The following ZMAT3 variants were observed in gnomAD, a reference collection of about 807,000 sequenced individuals.
The protein encoded by ZMAT3 is zinc finger matrin-type 3, also known as zinc finger matrin-type protein 3.
Under a neutral mutation model 32.3 loss-of-function variants are expected in ZMAT3, and 17 were observed. The ratio of observed to expected loss-of-function variants is 0.53; its 90% confidence interval spans 0.36 to 0.79. The LOEUF (loss-of-function observed/expected upper bound fraction) is 0.79, where lower values mean the gene tolerates loss of function less well. Ranked by LOEUF, ZMAT3 falls within the 30% of genes least tolerant of loss-of-function variation. The pLI is 0.00. For synonymous variants in ZMAT3, 120 were observed against 133.1 expected, an observed-to-expected ratio of 0.90 and a Z score of 0.68; for missense variants, 329 against 359.7, an observed-to-expected ratio of 0.91 and a Z score of 0.69.
At position 179,030,605 on chromosome 3, in the gene ZMAT3, C is replaced by G. The variant is rs181632908; in HGVS notation, c.390+275G>C. On this transcript the variant is annotated intron_variant, in intron 3 of 5. Coordinates refer to ENST00000311417, the MANE Select transcript of ZMAT3 (RefSeq NM_022470.4). Reference sequence around the variant, plus strand: ...TCTTGACCTCGTGATTCGCCCGTCTCGGCCTCCCAAAGTGCTGGGATTACA... The same window carrying G: ...TCTTGACCTCGTGATTCGCCCGTCTGGGCCTCCCAAAGTGCTGGGATTACA... Among the ~76,000 whole-genome samples the G allele has an allele frequency of 3.4e-3, 516 of 152,222 alleles. 3 individuals are homozygous for G. The highest frequency in any genetic ancestry group is 0.012 in the African/African-American group (490 of 41,536).
chr3:179,055,424 G>A (rs1720784174), intron 2 of ZMAT3, among the ~76,000 whole-genome samples: 2 of 152,076 alleles, frequency 1.3e-5, no homozygotes, highest in Admixed American at 6.5e-5. Flanking sequence ...TGTAAAAAGT[G>A]TGGTTTATGC....
At chr3:179,070,090 C>G (rs1305066258) in intron 1 of ZMAT3, among the ~76,000 whole-genome samples, 1 of 151,480 alleles carries the variant, frequency 6.6e-6, no homozygotes, top group Non-Finnish European at 1.5e-5. Context: ...CACAAACATT[C>G]TGCTAGTTCA....
In ZMAT3 at chr3:179,024,776, C is replaced by T. The variant is rs1394637643; in HGVS notation, c.*241G>A. 3 of 469,168 alleles carry T rather than the reference C, an allele frequency of 6.4e-6. No individual in the cohort carries two copies. The highest frequency in any genetic ancestry group is 7.8e-6 in the Non-Finnish European group (2 of 257,622). The allele number at this position is 469,168 out of a possible 1,614,324, so 29.1% of individuals were successfully genotyped here. A position where few individuals can be genotyped will look rare whatever the true frequency, so the allele number is the denominator to read the frequency against. ...GGGTAGGTAGGTCACATGCTATGAG[C>T]GGCTCAACACCATTGACCCTGCAAA... On this transcript the variant is annotated 3_prime_UTR_variant, in exon 6 of 6. Transcript: ENST00000311417.
intron 2 of ZMAT3, among the ~76,000 whole-genome samples, chr3:179,041,914 T>C (rs1010044674): frequency 2.6e-5 from 4 of 152,000 alleles, no homozygotes; most frequent in African/African-American, 9.7e-5. Flanking sequence ...TCACCACCGA[T>C]CCCACAGAAA....
intron 2 of ZMAT3, among the ~76,000 whole-genome samples, chr3:179,034,413 C>G (rs528453124): frequency 3.3e-5 from 5 of 152,228 alleles, no homozygotes; most frequent in African/African-American, 1.2e-4. Flanking sequence ...ATTCCTCCTA[C>G]TATCATCTAT....
chr3:179,054,552 T>C (rs1720733695), intron 2 of ZMAT3, among the ~76,000 whole-genome samples: 1 of 152,220 alleles, frequency 6.6e-6, no homozygotes, highest in African/African-American at 2.4e-5. Flanking sequence ...ATGTTTGAAA[T>C]GTAACATTAA....
intron 2 of ZMAT3, among the ~76,000 whole-genome samples, chr3:179,063,485 G>T (rs991151013): frequency 3.3e-5 from 5 of 152,196 alleles, no homozygotes; most frequent in African/African-American, 1.2e-4. Context: ...CAAATAGAAA[G>T]CCATGTTTAT....
At chr3:179,064,145 C>T (rs186248127) in intron 2 of ZMAT3, among the ~76,000 whole-genome samples, 11 of 152,350 alleles carry the variant, frequency 7.2e-5, no homozygotes, top group African/African-American at 2.6e-4. Flanking sequence ...TCAACAATGG[C>T]ATCAACTGAC....
intron 2 of ZMAT3, among the ~76,000 whole-genome samples, chr3:179,064,309 A>G (rs1031842129): frequency 6.6e-6 from 1 of 152,228 alleles, no homozygotes; most frequent in Non-Finnish European, 1.5e-5. Context: ...AAAATTAGTA[A>G]GTTTTTAGTC....
intron 2 of ZMAT3, 88 bp downstream of exon 2, chr3:179,067,395 C>G: frequency 7.3e-7 from 1 of 1,375,534 alleles, no homozygotes; most frequent in Non-Finnish European, 1.0e-6. Context: ...ATTCCAGGCA[C>G]AGTCATATCT....
chr3:179,018,338 T>C lies in ZMAT3; in HGVS notation c.*6679A>G, dbSNP rs953766671. Reference sequence around the variant, plus strand: ...AAAATGCAAAAACATCCAATAAATGTTGCATTATTAGTATTCAACAGTGCA... The same window carrying C: ...AAAATGCAAAAACATCCAATAAATGCTGCATTATTAGTATTCAACAGTGCA... On this transcript the variant is annotated 3_prime_UTR_variant, in exon 6 of 6. Transcript: ENST00000311417. 2.0e-5 allele frequency: 3 copies of C among 152,168 alleles called. No homozygotes were observed. The highest frequency in any genetic ancestry group is 1.9e-4 in the East Asian group (1 of 5,202). The allele number at this position is 152,168 out of a possible 1,614,324, so 9.4% of individuals were successfully genotyped here. A position where few individuals can be genotyped will look rare whatever the true frequency, so the allele number is the denominator to read the frequency against.
At chr3:179,041,000 G>A (rs757364924) in intron 2 of ZMAT3, among the ~76,000 whole-genome samples, 1 of 151,950 alleles carries the variant, frequency 6.6e-6, no homozygotes, top group Non-Finnish European at 1.5e-5. Flanking sequence ...ATTACATAAT[G>A]GTAAAGGGAT....
chr3:179,021,919 T>G lies in ZMAT3; in HGVS notation c.*3098A>C, dbSNP rs1046064949. ...AAACATAACCTACTGTCATAGAGAT[T>G]TGTGATTTTTTTTCAGATGTGCATG... On this transcript the variant is annotated 3_prime_UTR_variant, in exon 6 of 6. Coordinates refer to ENST00000311417, the MANE Select transcript of ZMAT3 (RefSeq NM_022470.4). 1.3e-5 allele frequency: 2 copies of G among 152,162 alleles called. No homozygotes were observed. Among genetic ancestry groups the G allele is most frequent in the Non-Finnish European group, 2.9e-5 (2 of 68,020 alleles). The allele number at this position is 152,162 out of a possible 1,614,324, so 9.4% of individuals were successfully genotyped here. A position where few individuals can be genotyped will look rare whatever the true frequency, so the allele number is the denominator to read the frequency against.
Position 179,024,865 on chromosome 3 carries a change from C to T in ZMAT3, c.*152G>A. 1.6e-6 allele frequency: 1 copy of T among 614,988 alleles called. No homozygotes were observed. The highest frequency in any genetic ancestry group is 2.7e-6 in the Non-Finnish European group (1 of 369,810). The allele number at this position is 614,988 out of a possible 1,614,324, so 38.1% of individuals were successfully genotyped here. The stretch of plus-strand genomic sequence containing the variant: ...TCCCCCCGCCCCGCCCCCGGGCCCC[C>T]AGGTTTTGACATCTCATGGTACCAC... On this transcript the variant is annotated 3_prime_UTR_variant, in exon 6 of 6. Coordinates refer to ENST00000311417, the MANE Select transcript of ZMAT3 (RefSeq NM_022470.4).
Position 179,022,115 on chromosome 3 carries a change from C to G in ZMAT3, c.*2902G>C, listed in dbSNP as rs1435885049. ...GCAAGTAAGAAATAACACTATAAAT[C>G]TAACTTCTTTCTTTAAAAGAAAATG... On this transcript the variant is annotated 3_prime_UTR_variant, in exon 6 of 6. Coordinates refer to ENST00000311417, the MANE Select transcript of ZMAT3 (RefSeq NM_022470.4). 1 of 152,154 alleles carries G rather than the reference C, an allele frequency of 6.6e-6. No homozygotes were observed. The highest frequency in any genetic ancestry group is 1.5e-5 in the Non-Finnish European group (1 of 68,020). 9.4% of individuals were successfully genotyped at this position (152,154 alleles called of 1,614,324 possible). A position where few individuals can be genotyped will look rare whatever the true frequency, so the allele number is the denominator to read the frequency against.
chr3:179,037,392 T>G (rs1719655834), intron 2 of ZMAT3, among the ~76,000 whole-genome samples: 1 of 152,074 alleles, frequency 6.6e-6, no homozygotes, highest in African/African-American at 2.4e-5. Flanking sequence ...CCACCCACAT[T>G]CCCCTCATCT....
At chr3:179,038,123 A>G (rs928915170) in intron 2 of ZMAT3, among the ~76,000 whole-genome samples, 2 of 152,184 alleles carry the variant, frequency 1.3e-5, no homozygotes, top group Non-Finnish European at 2.9e-5. Flanking sequence ...CCAGCCATGC[A>G]ATGTAGAGAA....
Position 179,038,170 on chromosome 3 carries a change from G to GT in ZMAT3, c.271-7172dup, listed in dbSNP as rs1038091411. On this transcript the variant is annotated intron_variant, in intron 2 of 5. Coordinates refer to ENST00000311417, the MANE Select transcript of ZMAT3 (RefSeq NM_022470.4). ...CTGGGCATCAAGAGACCCACTTGCT[G>GT]TGTTAAGTCTGAGATCCCTTTCAGA... 3.0e-4 allele frequency among the ~76,000 whole-genome samples: 45 copies of GT among 152,354 alleles called. 1 individual carries two copies. Among genetic ancestry groups the GT allele is most frequent in the Middle Eastern group, 3.4e-3 (1 of 294 alleles).
At chr3:179,032,994 C>A (rs1719366888) in intron 2 of ZMAT3, among the ~76,000 whole-genome samples, 1 of 152,242 alleles carries the variant, frequency 6.6e-6, no homozygotes, top group Non-Finnish European at 1.5e-5. Context: ...GTGTACCCAA[C>A]AGCTCATTGA....
Sources: allele counts gnomAD v4.1 joint callset (sites outside exome capture counted in the v4.1 genomes callset), GRCh38; gene constraint gnomAD v4.1.1; transcripts MANE v1.5; gene names NCBI Gene and HGNC (gene_info 2026-07-23, HGNC 2026-07-21).